The following LMLN variants were observed in gnomAD, a reference collection of about 807,000 sequenced individuals.
LMLN encodes the protein leishmanolysin-like peptidase.
A neutral mutation model predicts 92.3 loss-of-function variants in LMLN; 70 were observed. The ratio of observed to expected loss-of-function variants is 0.76; its 90% CI spans 0.63 to 0.92. The LOEUF is 0.92. Ranked by LOEUF, LMLN falls within the 40% of genes least tolerant of loss-of-function variation. The probability of loss-of-function intolerance (pLI) is 0.00; values close to 1 mark genes in which losing one functional copy is unlikely to be tolerated. For missense variants in LMLN, 691 were observed against 814.6 expected (o/e 0.85, Z 1.85); for synonymous variants, 308 against 296.2 (o/e 1.04, Z -0.41).
At chr3:198,005,320 C>T (rs1025439593) in intron 11 of LMLN, among the ~76,000 whole-genome samples, 14 of 151,852 alleles carry the variant, frequency 9.2e-5, no homozygotes. Flanking sequence ...AGATACATAT[C>T]ATACATGTAT....
At chr3:197,971,306 A>G (rs1344544855) in intron 1 of LMLN, among the ~76,000 whole-genome samples, 1 of 152,190 alleles carries the variant, frequency 6.6e-6, no homozygotes, top group Non-Finnish European at 1.5e-5. Context: ...CCTTCTTTAC[A>G]TGGTGGCAGG....
intron 1 of LMLN, among the ~76,000 whole-genome samples, chr3:197,970,020 C>A (rs1010720925): frequency 6.6e-6 from 1 of 151,754 alleles, no homozygotes; most frequent in African/African-American, 2.4e-5. Flanking sequence ...GGCATGGTGG[C>A]AGGTGTCTGT....
In LMLN at chr3:197,995,972, A is replaced by G. The variant is rs75387914; in HGVS notation, c.1048-203A>G. On this transcript the variant is annotated intron_variant, in intron 9 of 15. Coordinates refer to ENST00000330198, the Ensembl canonical transcript of LMLN. The stretch of plus-strand genomic sequence containing the variant: ...TCTTCAGAGAGAAGAAAAGATACTA[A>G]GTAGTAATTTCCTAGCAAAGAAGAG... Among the ~76,000 whole-genome samples the G allele has an allele frequency of 0.012, 1,877 of 152,318 alleles. 93 individuals carry two copies. In the East Asian group the frequency reaches 0.14, roughly 11 times the overall value.
At chr3:197,974,154 A>G (rs1721304022) in intron 1 of LMLN, among the ~76,000 whole-genome samples, 1 of 152,238 alleles carries the variant, frequency 6.6e-6, no homozygotes, top group Admixed American at 6.5e-5. Context: ...TGTATCCATA[A>G]TGATTTAGTC....
chr3:198,019,451 AAG>A lies in LMLN; in HGVS notation c.1365+69_1365+70del. 6.8e-7 allele frequency: 1 copy of A among 1,463,942 alleles called. No individual in the cohort carries two copies. The allele number at this position is 1,463,942 out of a possible 1,614,324, so 90.7% of individuals were successfully genotyped here. On this transcript the variant is annotated intron_variant, in intron 12 of 15. Transcript: ENST00000330198. This position sits in a 1 kb window ranked among gnomAD's most constrained non-coding sequence, Gnocchi z 5.5. Reference sequence around the variant, plus strand: ...CAAAAGTAGTCTCCATTTTAACTAAAAGAGTAAATTCTCTTAAGATTCTTAAT... The same window carrying A: ...CAAAAGTAGTCTCCATTTTAACTAAAAGTAAATTCTCTTAAGATTCTTAAT...
In LMLN at chr3:198,019,304, G is replaced by C; in HGVS notation, c.1284G>C (p.Gln428His). Residue 428 changes from glutamine (Q) to histidine (H), a missense_variant, in exon 12 of 16, where the codon CAG becomes CAC. By Grantham distance (24) the Gln-to-His change is conservative. This residue lies in a region of LMLN where 352 missense variants were observed against 443.6 expected (regional missense o/e 0.79). Coordinates refer to ENST00000330198, the Ensembl canonical transcript of LMLN. This position sits in a 1 kb window ranked among gnomAD's most constrained non-coding sequence, Gnocchi z 5.5. The stretch of plus-strand genomic sequence containing the variant: ...ACACGCTCAGAAGTAACCCACTGCA[G>C]CTAACTTGCAGACAGGACCAGAGAG... The C allele has an allele frequency of 6.2e-7, 1 of 1,614,072 alleles. No individual in the cohort carries two copies. Among genetic ancestry groups the C allele is most frequent in the South Asian group, 1.1e-5 (1 of 91,074 alleles).
intron 1 of LMLN, among the ~76,000 whole-genome samples, chr3:197,966,376 C>G (rs565183836): frequency 6.6e-6 from 1 of 152,256 alleles, no homozygotes; most frequent in Non-Finnish European, 1.5e-5. Context: ...ATCACACTGT[C>G]TGGGGCATGA....
At chr3:198,023,679 A>G (rs1253352810) in intron 13 of LMLN, among the ~76,000 whole-genome samples, 1 of 152,240 alleles carries the variant, frequency 6.6e-6, no homozygotes, top group Non-Finnish European at 1.5e-5. Flanking sequence ...TTCCCCAAAG[A>G]CAACTTATTG....
At chr3:197,964,584 A>C (rs888857637) in intron 1 of LMLN, among the ~76,000 whole-genome samples, 2 of 151,628 alleles carry the variant, frequency 1.3e-5, no homozygotes, top group African/African-American at 4.8e-5. Context: ...TTTTTAGTGG[A>C]GATGGGGTTT....
chr3:198,002,883 A>G (rs562736277), intron 11 of LMLN, 132 bp from the exon 12 acceptor site: 26 of 571,284 alleles, frequency 4.6e-5, no homozygotes, highest in African/African-American at 3.0e-4. Context: ...GATCACTTAC[A>G]GTGATGGCCT....
chr3:198,035,347 A>G (rs981326328), intron 14 of LMLN, among the ~76,000 whole-genome samples: 3 of 150,948 alleles, frequency 2.0e-5, no homozygotes, highest in Non-Finnish European at 4.4e-5. Context: ...TAGGACCTAA[A>G]TAACCCTCTT....
chr3:197,960,414 C>G (rs769296949), exon 1 of LMLN: 2 of 1,613,868 alleles, frequency 1.2e-6, no homozygotes, highest in East Asian at 2.2e-5. Flanking sequence ...CCCTCCCTGC[C>G]GGCACCACGT....
chr3:198,022,242 T>G (rs941713185), intron 13 of LMLN, among the ~76,000 whole-genome samples: 1 of 152,222 alleles, frequency 6.6e-6, no homozygotes, highest in Non-Finnish European at 1.5e-5. Flanking sequence ...TGTTTCTTCT[T>G]AATACATATA....
In LMLN at chr3:198,025,894, G is replaced by T. The variant is rs1722918680; in HGVS notation, c.1656+1106G>T. Among the ~76,000 whole-genome samples, 1 of 152,150 alleles carries T rather than the reference G, an allele frequency of 6.6e-6. No homozygotes were observed. The highest frequency in any genetic ancestry group is 1.5e-5 in the Non-Finnish European group (1 of 68,016). On this transcript the variant is annotated intron_variant, in intron 14 of 15. Transcript: ENST00000330198. This position sits in a 1 kb window ranked among gnomAD's most constrained non-coding sequence, Gnocchi z 4.3. The stretch of plus-strand genomic sequence containing the variant: ...AGAGCTAAACGGACCTTTAGAACTG[G>T]AAATTTAACTCTTATCATTAGTTAC...
At chr3:198,038,943 C>A in exon 16 of LMLN, 1 of 281,438 alleles carries the variant, frequency 3.6e-6, no homozygotes, top group Non-Finnish European at 6.4e-6. Context: ...CCAACCACCT[C>A]GTCAGCAACC....
chr3:197,980,401 G>T (rs1413914121), exon 6 of LMLN: 1 of 1,614,102 alleles, frequency 6.2e-7, no homozygotes, highest in South Asian at 1.1e-5. Flanking sequence ...CATCTCAGAT[G>T]CAGACTTTGT....
At chr3:197,973,909 T>A (rs1183724461) in intron 1 of LMLN, among the ~76,000 whole-genome samples, 4 of 152,244 alleles carry the variant, frequency 2.6e-5, no homozygotes, top group Non-Finnish European at 5.9e-5. Context: ...AGACCTTTCT[T>A]GACTTCTTTT....
chr3:198,000,593 A>G (rs1581158629), intron 11 of LMLN, among the ~76,000 whole-genome samples: 1 of 151,974 alleles, frequency 6.6e-6, no homozygotes, highest in Non-Finnish European at 1.5e-5. Context: ...ACACCCAGCT[A>G]ATTTTTGTAT....
chr3:198,002,048 T>G (rs1331660644), intron 11 of LMLN, among the ~76,000 whole-genome samples: 1 of 152,216 alleles, frequency 6.6e-6, no homozygotes, highest in African/African-American at 2.4e-5. Context: ...TTTATAACTT[T>G]TGCAAGCAAA....
Sources: allele counts gnomAD v4.1 joint callset (sites outside exome capture counted in the v4.1 genomes callset), GRCh38; gene constraint gnomAD v4.1.1; regional missense constraint gnomAD v4.1.1; non-coding constraint Gnocchi (gnomAD v3.1); transcripts MANE v1.5; gene names NCBI Gene and HGNC (gene_info 2026-07-23, HGNC 2026-07-21).